PTCHD4: variants seen among roughly 807,000 people sequenced by gnomAD.
PTCHD4 encodes the protein patched domain-containing protein 4.
In PTCHD4, 33 loss-of-function variants were observed where a neutral mutation model predicts 58.1. The ratio of observed to expected loss-of-function variants is 0.57; its 90% confidence interval spans 0.43 to 0.76. The LOEUF (loss-of-function observed/expected upper bound fraction) is 0.76. PTCHD4 is among the 30% of genes least tolerant of loss of function. The pLI, the probability that PTCHD4 is intolerant of heterozygous loss-of-function variation, is 0.00. For missense variants in PTCHD4, 1,058 were observed against 1,027.1 expected (o/e 1.03, Z -0.41); for synonymous variants, 478 against 409.6 (o/e 1.17, Z -2.02).
chr6:47,963,241 T>G (rs1354131962), intron 4 of PTCHD4, among the ~76,000 whole-genome samples: 1 of 152,024 alleles, frequency 6.6e-6, no homozygotes, highest in Non-Finnish European at 1.5e-5. Context: ...TATATAAAGA[T>G]GCTCAATAAT....
chr6:47,902,037 A>G, intron 4 of PTCHD4: 1 of 638,420 alleles, frequency 1.6e-6, no homozygotes, highest in Admixed American at 2.9e-5. Flanking sequence ...GGAACTGAAG[A>G]GTTATCACCA....
At chr6:48,095,732 C>CAAAAAAAAAAAAAAAAAAAAAAAAGAAAA (rs112185985) in intron 1 of PTCHD4, among the ~76,000 whole-genome samples, 1 of 124,978 alleles carries the variant, frequency 8.0e-6, no homozygotes, top group Non-Finnish European at 1.7e-5. Flanking sequence ...CAAAAGGAAC[C>CAAAAAAAAAAAAAAAAAAAAAAAAGAAAA]AAAAAAAAAA....
Position 48,087,669 on chromosome 6 carries a change from T to C in PTCHD4, c.-969-17743A>G, listed in dbSNP as rs544779452. On this transcript the variant is annotated intron_variant, in intron 1 of 4. Coordinates refer to ENST00000339488, the MANE Select transcript of PTCHD4 (RefSeq NM_001384253.1). ...CTCATAACCACTAGATGGCAGAGCC[T>C]GGATTCAAATTCAGAATTATCGTTC... Among the ~76,000 whole-genome samples the C allele has an allele frequency of 7.2e-5, 11 of 152,320 alleles. No homozygotes were observed. In the South Asian group the frequency reaches 2.3e-3, roughly 32 times the overall value.
chr6:47,928,971 A>G (rs1765720487), intron 4 of PTCHD4, among the ~76,000 whole-genome samples: 1 of 152,212 alleles, frequency 6.6e-6, no homozygotes, highest in Non-Finnish European at 1.5e-5. Flanking sequence ...AATCTAAAAC[A>G]AGATTTGAGC....
intron 4 of PTCHD4, among the ~76,000 whole-genome samples, chr6:47,960,115 T>C (rs1360107696): frequency 6.6e-6 from 1 of 152,128 alleles, no homozygotes; most frequent in African/African-American, 2.4e-5. Context: ...GTTCTTATAC[T>C]ATGTATGTAG....
chr6:48,104,447 G>T (rs1162503422), intron 1 of PTCHD4, among the ~76,000 whole-genome samples: 1 of 152,122 alleles, frequency 6.6e-6, no homozygotes, highest in South Asian at 2.1e-4. Context: ...AGCTCCTGAA[G>T]GAAGCACTAA....
In PTCHD4 at chr6:47,862,507, C is replaced by G. The variant is rs1269528438; in HGVS notation, c.*15796G>C. 1.3e-5 allele frequency among the ~76,000 whole-genome samples: 2 copies of G among 151,604 alleles called. No individual in the cohort carries two copies. The highest frequency in any genetic ancestry group is 3.0e-5 in the Non-Finnish European group (2 of 67,782). ...TCAACCTGTTTATTTATTTGGTTTCCTGGCCATTTGTCAATTTTTTTCTTC... is the reference window on the plus strand; with the variant it reads ...TCAACCTGTTTATTTATTTGGTTTCGTGGCCATTTGTCAATTTTTTTCTTC... On this transcript the variant is annotated 3_prime_UTR_variant, in exon 5 of 5. Transcript: ENST00000339488.
intron 4 of PTCHD4, among the ~76,000 whole-genome samples, chr6:47,963,913 A>G (rs1298912783): frequency 2.0e-5 from 3 of 152,228 alleles, no homozygotes; most frequent in African/African-American, 4.8e-5. Context: ...CAAATACCCT[A>G]TTAAACAGAC....
chr6:48,103,680 G>T (rs1765657443), intron 1 of PTCHD4, among the ~76,000 whole-genome samples: 1 of 150,392 alleles, frequency 6.6e-6, no homozygotes, highest in Non-Finnish European at 1.5e-5. Context: ...CTAACCAATG[G>T]CAAAGAAGTT....
At chr6:47,952,328 C>T (rs1054934946) in intron 4 of PTCHD4, among the ~76,000 whole-genome samples, 20 of 152,112 alleles carry the variant, frequency 1.3e-4, no homozygotes, top group Non-Finnish European at 2.9e-4. Flanking sequence ...GCTTAGCACT[C>T]CAATTACTCT....
intron 4 of PTCHD4, among the ~76,000 whole-genome samples, chr6:47,893,122 T>G (rs1764430216): frequency 6.6e-6 from 1 of 152,224 alleles, no homozygotes. Context: ...GCGATTTTCC[T>G]GCCTCAGCCT....
chr6:48,009,731 T>A (rs1157985145), intron 3 of PTCHD4, among the ~76,000 whole-genome samples: 1 of 152,260 alleles, frequency 6.6e-6, no homozygotes, highest in Non-Finnish European at 1.5e-5. Flanking sequence ...AAATATGATG[T>A]GAACACCTAT....
At chr6:47,987,104 A>G (rs1581976765) in intron 4 of PTCHD4, among the ~76,000 whole-genome samples, 1 of 152,252 alleles carries the variant, frequency 6.6e-6, no homozygotes, top group Admixed American at 6.5e-5. Context: ...TTAAAATGGA[A>G]GATAATGAAC....
At position 48,008,871 on chromosome 6, in the gene PTCHD4, T is replaced by G. The variant is rs746895783; in HGVS notation, c.661A>C (p.Arg221=). Residue 221 remains arginine (R), a synonymous_variant, in exon 4 of 5, where the codon AGG becomes CGG. Transcript: ENST00000339488. The stretch of plus-strand genomic sequence containing the variant: ...AGGATGCTGGTCTTATGAAAGTCCC[T>G]CCAGAGGCTAAAGGATGCTAAAGAG... ...LYSLASFSLW[R]DFHKTSILAR... 3.1e-6 allele frequency: 5 copies of G among 1,613,982 alleles called. No homozygotes were observed. The highest frequency in any genetic ancestry group is 4.2e-6 in the Non-Finnish European group (5 of 1,179,886).
intron 4 of PTCHD4, among the ~76,000 whole-genome samples, chr6:47,959,671 A>G (rs1365138354): frequency 1.3e-5 from 2 of 152,090 alleles, no homozygotes; most frequent in Non-Finnish European, 1.5e-5. Flanking sequence ...AGGCAATAGG[A>G]CATATTATAT....
chr6:48,081,510 C>T (rs981702342), intron 1 of PTCHD4, among the ~76,000 whole-genome samples: 20 of 152,176 alleles, frequency 1.3e-4, no homozygotes, highest in African/African-American at 4.6e-4. Flanking sequence ...AAGCTCACAC[C>T]TCTTAGACTA....
intron 4 of PTCHD4, among the ~76,000 whole-genome samples, chr6:47,944,047 C>G (rs1054115894): frequency 3.3e-5 from 5 of 152,034 alleles, no homozygotes; most frequent in Non-Finnish European, 5.9e-5. Flanking sequence ...GAATGGCAGA[C>G]TGGTAGCAAT....
At chr6:47,937,174 C>A (rs1766033077) in intron 4 of PTCHD4, among the ~76,000 whole-genome samples, 1 of 152,146 alleles carries the variant, frequency 6.6e-6, no homozygotes, top group Admixed American at 6.5e-5. Flanking sequence ...AGTTTTGAGT[C>A]ATGGAAAAGC....
At chr6:47,953,211 G>T (rs547409773) in intron 4 of PTCHD4, among the ~76,000 whole-genome samples, 3 of 152,192 alleles carry the variant, frequency 2.0e-5, no homozygotes, top group South Asian at 4.1e-4. Context: ...ATGCAAAAAA[G>T]TGTGACTATA....
Sources: gnomAD v4.1 joint callset for allele counts (sites outside exome capture counted in the v4.1 genomes callset) on GRCh38, gnomAD v4.1.1 for gene constraint, MANE v1.5 for transcripts, NCBI Gene and HGNC (gene_info 2026-07-23, HGNC 2026-07-21) for gene names.